The following TENM3 variants were observed in gnomAD, a reference collection of about 807,000 sequenced individuals.
TENM3 encodes the protein teneurin-3.
TENM3 carries 63 observed loss-of-function variants against 255.1 expected under a neutral mutation model. That is an observed-to-expected ratio of 0.25 (90% CI 0.20 to 0.30). The LOEUF (loss-of-function observed/expected upper bound fraction) is 0.30, where lower values mean the gene tolerates loss of function less well. Ranked by LOEUF, TENM3 falls within the 10% of genes least tolerant of loss-of-function variation. The pLI, the probability that TENM3 is intolerant of heterozygous loss-of-function variation, is 1.00. For synonymous variants in TENM3, 1,306 were observed against 1,322.3 expected (o/e 0.99, Z 0.27); for missense variants, 2,929 against 3,461.1 (o/e 0.85, Z 3.86).
Position 182,754,408 on chromosome 4 carries a change from C to T in TENM3, c.4041C>T (p.Asp1347=). ...AGGTACGTCTGGAATGGCCCACTGA[C>T]CTAGCCATTAACCCTATGGATAACT... is the stretch of plus-strand genomic sequence containing the variant. ...ISQVRLEWPT[D]LAINPMDNSI... is the part of the protein sequence containing the mutation. The change falls in exon 22 of 28, where the codon GAC becomes GAT. Residue 1347 remains aspartate, a synonymous_variant. Coordinates refer to ENST00000511685, the MANE Select transcript of TENM3 (RefSeq NM_001080477.4). This position sits in a 1 kb window ranked among gnomAD's most constrained non-coding sequence, Gnocchi z 5.1. The T allele has an allele frequency of 6.2e-7, 1 of 1,606,516 alleles. No individual in the cohort carries two copies. The highest frequency in any genetic ancestry group is 1.1e-5 in the South Asian group (1 of 89,592).
chr4:182,680,844 AG>A lies in TENM3; in HGVS notation c.1834+108del, dbSNP rs1756117006. 2.3e-5 allele frequency: 19 copies of A among 817,342 alleles called. 2 individuals carry two copies. The South Asian group carries it at 5.8e-4, about 25-fold the overall frequency. 50.6% of individuals were successfully genotyped at this position (817,342 alleles called of 1,614,324 possible). A position where few individuals can be genotyped will look rare whatever the true frequency, so the allele number is the denominator to read the frequency against. On this transcript the variant is annotated intron_variant, in intron 10 of 27. Coordinates refer to ENST00000511685, the MANE Select transcript of TENM3 (RefSeq NM_001080477.4). The stretch of plus-strand genomic sequence containing the variant: ...TCTCTTTTATACGCTTCCTTTTGAA[AG>A]CAATTTTGAAAAATCCATGTTTATG...
the TENM3 span, among the ~76,000 whole-genome samples, chr4:181,625,738 C>T: frequency 7.9e-5 from 12 of 151,876 alleles, no homozygotes; most frequent in African/African-American, 2.9e-4. Flanking sequence ...GGCGTGAACC[C>T]AGGAGGCAGA....
At chr4:182,592,138 T>G (rs1395901723) in intron 3 of TENM3, among the ~76,000 whole-genome samples, 1 of 151,718 alleles carries the variant, frequency 6.6e-6, no homozygotes, top group Non-Finnish European at 1.5e-5. Flanking sequence ...CTTTTTTTTT[T>G]TTTTTTTACA....
chr4:182,504,803 C>G (rs1213013203), intron 3 of TENM3, among the ~76,000 whole-genome samples: 2 of 152,132 alleles, frequency 1.3e-5, no homozygotes, highest in East Asian at 1.9e-4. Context: ...CAGTTATTTC[C>G]CATCAGTTAT....
At chr4:182,258,297 C>A (rs1758559452) in intron 1 of TENM3, among the ~76,000 whole-genome samples, 1 of 152,038 alleles carries the variant, frequency 6.6e-6, no homozygotes, top group African/African-American at 2.4e-5. Context: ...CTAAACCTCA[C>A]CAAACAATTT....
intron 22 of TENM3, among the ~76,000 whole-genome samples, chr4:182,763,077 T>C (rs929961966): frequency 6.6e-6 from 1 of 152,238 alleles, no homozygotes; most frequent in African/African-American, 2.4e-5. Flanking sequence ...TTGTTCTCTT[T>C]AAGTGTATTT....
rs372105630 is a variant in TENM3, at chr4:182,747,565, T to C, written c.3629+4146T>C. Among the ~76,000 whole-genome samples, 40 of 152,324 alleles carry C rather than the reference T, an allele frequency of 2.6e-4. No individual in the cohort carries two copies. In the East Asian group the frequency reaches 6.7e-3, roughly 26 times the overall value. On this transcript the variant is annotated intron_variant, in intron 19 of 27. Coordinates refer to ENST00000511685, the MANE Select transcript of TENM3 (RefSeq NM_001080477.4). ...GCTAAGGAACCCCTTTAATATGTAG[T>C]AAGTTTTACCTCATCCTTGTTCCAA...
Position 182,799,759 on chromosome 4 carries a change from C to T in TENM3, c.7508C>T (p.Ala2503Val). Reference protein sequence around the residue: ...KSLIGKGVMLAVSQGRVQTNV... With the variant: ...KSLIGKGVMLVVSQGRVQTNV... ...CTGATCGGCAAGGGCGTCATGCTGG[C>T]CGTCAGCCAGGGCCGCGTGCAGACC... Residue 2503 changes from alanine (A) to valine (V), a missense_variant, in exon 28 of 28, where the codon GCC (alanine) becomes GTC (valine). Ala to Val is a moderately conservative substitution (Grantham distance 64, BLOSUM62 0). This residue lies in a region of TENM3 where 476 missense variants were observed against 480.1 expected (regional missense o/e 0.99). Transcript: ENST00000511685. The surrounding 1 kb of genome is among the most constrained non-coding windows in gnomAD (Gnocchi z 4.2). 6.3e-7 allele frequency: 1 copy of T among 1,574,970 alleles called. No individual in the cohort carries two copies.
At chr4:182,718,421 G>T (rs914830517) in intron 13 of TENM3, among the ~76,000 whole-genome samples, 3 of 152,032 alleles carry the variant, frequency 2.0e-5, no homozygotes, top group African/African-American at 7.2e-5. Context: ...TGTGGCCTGG[G>T]CCTGAGCCTG....
rs1352898623 is a variant in TENM3 at position 182,800,774 on chromosome 4, G to GCTAT, written c.*426_*429dup. 1 of 155,524 alleles carries GCTAT rather than the reference G, an allele frequency of 6.4e-6. No individual in the cohort carries two copies. The highest frequency in any genetic ancestry group is 6.2e-5 in the Admixed American group (1 of 16,010). The allele number at this position is 155,524 out of a possible 1,614,324, so 9.6% of individuals were successfully genotyped here. The stretch of plus-strand genomic sequence containing the variant: ...TAGTCTGTCTGCATAGGATGTGATA[G>GCTAT]CTATCTCTGTTCATTTTACAATGTG... On this transcript the variant is annotated 3_prime_UTR_variant, in exon 28 of 28. Transcript: ENST00000511685.
At chr4:182,344,708 T>G (rs1407674182) in intron 2 of TENM3, among the ~76,000 whole-genome samples, 2 of 152,210 alleles carry the variant, frequency 1.3e-5, no homozygotes, top group African/African-American at 4.8e-5. Context: ...AGGATCTTAT[T>G]TATTTTTCCC....
At chr4:182,191,568 T>G (rs958364015) in intron 1 of TENM3, among the ~76,000 whole-genome samples, 5 of 152,192 alleles carry the variant, frequency 3.3e-5, no homozygotes, top group Non-Finnish European at 5.9e-5. Flanking sequence ...CTAGAATTTT[T>G]TTTTGATTCT....
intron 4 of TENM3, among the ~76,000 whole-genome samples, chr4:182,602,670 A>G (rs976940664): frequency 2.6e-5 from 4 of 152,316 alleles, no homozygotes; most frequent in Middle Eastern, 3.4e-3. Flanking sequence ...AACAGGAAAA[A>G]TAGGCAAACA....
In TENM3 at chr4:182,197,044, A is replaced by G. The variant is rs145160421; in HGVS notation, c.-76+52290A>G. ...ATCCTCGGAGTTGCTGTTGCATTTC[A>G]TGTCAGCATGTTACAGTTTCACAAT... On this transcript the variant is annotated intron_variant, in intron 1 of 2. Transcript: ENST00000512480. Among the ~76,000 whole-genome samples, 229 of 152,268 alleles carry G rather than the reference A, an allele frequency of 1.5e-3. 1 individual carries two copies. The highest frequency in any genetic ancestry group is 5.3e-3 in the African/African-American group (220 of 41,550).
chr4:181,574,485 C>G, the TENM3 span, among the ~76,000 whole-genome samples: 1 of 151,170 alleles, frequency 6.6e-6, no homozygotes, highest in Non-Finnish European at 1.5e-5. Flanking sequence ...GAGCCGAGAT[C>G]GTGCCACTGC....
chr4:182,614,546 A>G (rs1482661986), intron 4 of TENM3, among the ~76,000 whole-genome samples: 2 of 152,166 alleles, frequency 1.3e-5, no homozygotes, highest in Non-Finnish European at 2.9e-5. Context: ...AAGCCTTGAG[A>G]CAAGCCTTTT....
the TENM3 span, among the ~76,000 whole-genome samples, chr4:182,119,608 G>A: frequency 2.0e-5 from 3 of 152,160 alleles, no homozygotes; most frequent in South Asian, 2.1e-4. Context: ...TAAAGAAGTT[G>A]TTGATTTCCA....
Position 182,216,881 on chromosome 4 carries a change from A to G in TENM3, c.-76+72127A>G, listed in dbSNP as rs762179165. 3.5e-4 allele frequency among the ~76,000 whole-genome samples: 53 copies of G among 152,152 alleles called. 1 individual carries two copies. Among genetic ancestry groups the G allele is most frequent in the Admixed American group, 1.4e-3 (22 of 15,260 alleles). On this transcript the variant is annotated intron_variant, in intron 1 of 2. Coordinates refer to the TENM3 transcript ENST00000512480. ...AACAATGGCAGACTTGCATTCTATT[A>G]AAGAACTCCATTGATCATTTTTGTA...
chr4:182,650,786 A>G (rs897100065), intron 5 of TENM3, among the ~76,000 whole-genome samples: 1 of 137,948 alleles, frequency 7.2e-6, no homozygotes, highest in Non-Finnish European at 1.7e-5. Flanking sequence ...TCTGTTTTCA[A>G]TGCAGTATTA....
Sources: gnomAD v4.1 joint callset for allele counts (sites outside exome capture counted in the v4.1 genomes callset) on GRCh38, gnomAD v4.1.1 for gene constraint, gnomAD v4.1.1 regional missense constraint, Gnocchi (gnomAD v3.1) non-coding constraint, MANE v1.5 for transcripts, NCBI Gene and HGNC (gene_info 2026-07-23, HGNC 2026-07-21) for gene names.